Variants in ABLIM2 observed in about 807,000 individuals in gnomAD.
ABLIM2 encodes the protein actin binding LIM protein family member 2.
Under a neutral mutation model 97.7 loss-of-function variants are expected in ABLIM2, and 53 were observed. That is an observed-to-expected ratio of 0.54 (90% confidence interval 0.44 to 0.68). The LOEUF (loss-of-function observed/expected upper bound fraction) is 0.68, where lower values mean the gene tolerates loss of function less well. Ranked by LOEUF, ABLIM2 falls within the 30% of genes least tolerant of loss-of-function variation. The pLI is 0.00. For missense variants in ABLIM2, 835 were observed against 867.2 expected, an observed-to-expected ratio of 0.96 and a Z score of 0.47; for synonymous variants, 361 against 345.8, an observed-to-expected ratio of 1.04 and a Z score of -0.49.
In ABLIM2 at chr4:8,118,994, G is replaced by T. The variant is rs148700120; in HGVS notation, c.11-12357C>A. Among the ~76,000 whole-genome samples the T allele has an allele frequency of 1.9e-3, 283 of 152,250 alleles. 1 individual carries two copies. The highest frequency in any genetic ancestry group is 6.5e-3 in the African/African-American group (272 of 41,532). ...TGTTGTCCACCTGGGCCCACTGATG[G>T]GGTGACCTTGAGCAAGTCAGGGCAC... On this transcript the variant is annotated intron_variant, in intron 1 of 20. Transcript: ENST00000447017.
intron 4 of ABLIM2, among the ~76,000 whole-genome samples, chr4:8,084,293 C>T (rs1434577359): frequency 1.3e-5 from 2 of 152,122 alleles, no homozygotes; most frequent in Non-Finnish European, 2.9e-5. Context: ...GGGGCTCCTG[C>T]GAGGATCCTG....
Position 8,054,292 on chromosome 4 carries a change from T to A in ABLIM2, c.764-46A>T. 6.3e-7 allele frequency: 1 copy of A among 1,596,738 alleles called. No homozygotes were observed. On this transcript the variant is annotated intron_variant, in intron 7 of 20. Coordinates refer to ENST00000447017, the MANE Select transcript of ABLIM2 (RefSeq NM_001130083.2). This position sits in a 1 kb window ranked among gnomAD's most constrained non-coding sequence, Gnocchi z 4.9. ...GGGAAATGATTAGAGTTATTTCCCATGTTGCAGGGGCCTGTGTGGAAACGC... is the reference window on the plus strand; with the variant it reads ...GGGAAATGATTAGAGTTATTTCCCAAGTTGCAGGGGCCTGTGTGGAAACGC...
intron 9 of ABLIM2, 125 bp downstream of exon 9, chr4:8,045,039 G>A (rs1052608217): frequency 2.8e-5 from 23 of 831,428 alleles, no homozygotes; most frequent in East Asian, 1.5e-4. Flanking sequence ...AGCAATGGCC[G>A]TACCTCAGGC....
At chr4:7,980,275 T>C (rs1468545620) in intron 20 of ABLIM2, among the ~76,000 whole-genome samples, 1 of 152,104 alleles carries the variant, frequency 6.6e-6, no homozygotes, top group African/African-American at 2.4e-5. Flanking sequence ...CTGATAACAT[T>C]AACATTAAAA....
At position 7,966,718 on chromosome 4, in the gene ABLIM2, A is replaced by G. The variant is rs1723132567; in HGVS notation, c.*272T>C. The G allele has an allele frequency of 2.3e-6, 1 of 444,186 alleles. No individual in the cohort carries two copies. The highest frequency in any genetic ancestry group is 4.1e-6 in the Non-Finnish European group (1 of 245,676). 27.5% of individuals were successfully genotyped at this position (444,186 alleles called of 1,614,324 possible). A position where few individuals can be genotyped will look rare whatever the true frequency, so the allele number is the denominator to read the frequency against. ...TGGGCTGCAGCCACCTGTGTGCTCCATCTGATGCCCGACACAGCCACTCTA... is the reference window on the plus strand; with the variant it reads ...TGGGCTGCAGCCACCTGTGTGCTCCGTCTGATGCCCGACACAGCCACTCTA... On this transcript the variant is annotated 3_prime_UTR_variant, in exon 21 of 21. Transcript: ENST00000447017.
rs1034383756 is a variant in ABLIM2, at chr4:8,068,532, T to A, written c.676-7478A>T. ...TGTCCCAGCAGAGGAGAGCTAGTGG[T>A]CCCCCGTCTTTGGGCTTCTGGAGAA... On this transcript the variant is annotated intron_variant, in intron 6 of 20. Transcript: ENST00000447017. This position sits in a 1 kb window ranked among gnomAD's most constrained non-coding sequence, Gnocchi z 4.5. Among the ~76,000 whole-genome samples, 2 of 152,156 alleles carry A rather than the reference T, an allele frequency of 1.3e-5. No homozygotes were observed. The highest frequency in any genetic ancestry group is 2.9e-5 in the Non-Finnish European group (2 of 68,020).
chr4:7,991,937 C>T (rs1220595028), intron 17 of ABLIM2, among the ~76,000 whole-genome samples: 2 of 152,238 alleles, frequency 1.3e-5, no homozygotes, highest in African/African-American at 4.8e-5. Flanking sequence ...GGGTTACACA[C>T]AGCCACGGCT....
At chr4:7,975,343 T>G (rs1355116591) in intron 20 of ABLIM2, among the ~76,000 whole-genome samples, 1 of 152,256 alleles carries the variant, frequency 6.6e-6, no homozygotes, top group African/African-American at 2.4e-5. Flanking sequence ...AACCCCGCTC[T>G]GCATGTTGGC....
intron 14 of ABLIM2, among the ~76,000 whole-genome samples, chr4:8,012,271 A>G (rs1328597854): frequency 6.7e-6 from 1 of 149,562 alleles, no homozygotes; most frequent in Non-Finnish European, 1.5e-5. Context: ...CCATCCACCC[A>G]CCACCCATCC....
At position 8,107,280 on chromosome 4, in the gene ABLIM2, C is replaced by T. The variant is rs1033952481; in HGVS notation, c.11-643G>A. On this transcript the variant is annotated intron_variant, in intron 1 of 20. Coordinates refer to ENST00000447017, the MANE Select transcript of ABLIM2 (RefSeq NM_001130083.2). ...TCACAGGGCCTGACTGTGGGGCTCC[C>T]GGGGACCGGGCAGGGGGACACACTC... 4.6e-5 allele frequency among the ~76,000 whole-genome samples: 7 copies of T among 152,346 alleles called. No homozygotes were observed. The South Asian group carries it at 6.2e-4, about 14-fold the overall frequency.
chr4:8,015,613 GT>G lies in ABLIM2; in HGVS notation c.1423+4004del, dbSNP rs1432682472. Among the ~76,000 whole-genome samples the G allele has an allele frequency of 2.6e-5, 4 of 152,200 alleles. No individual in the cohort carries two copies. The highest frequency in any genetic ancestry group is 7.2e-5 in the African/African-American group (3 of 41,448). On this transcript the variant is annotated intron_variant, in intron 14 of 20. Transcript: ENST00000447017. The surrounding 1 kb of genome is among the most constrained non-coding windows in gnomAD (Gnocchi z 4.6). Reference sequence around the variant, plus strand: ...AGGGCACAAAGACACAGGGAACAACGTGTGTCCCGTGGGGTCACTTCCACTG... The same window carrying G: ...AGGGCACAAAGACACAGGGAACAACGGTGTCCCGTGGGGTCACTTCCACTG...
At chr4:7,976,242 G>A (rs1732944505) in intron 20 of ABLIM2, among the ~76,000 whole-genome samples, 1 of 152,112 alleles carries the variant, frequency 6.6e-6, no homozygotes, top group Admixed American at 6.5e-5. Flanking sequence ...CGACACCTGG[G>A]GTACTTTTCC....
At chr4:7,993,427 T>C (rs1259568751) in intron 16 of ABLIM2, among the ~76,000 whole-genome samples, 2 of 152,236 alleles carry the variant, frequency 1.3e-5, no homozygotes, top group Non-Finnish European at 2.9e-5. Context: ...CTCATGCCTG[T>C]AATCTTAGAG....
intron 3 of ABLIM2, among the ~76,000 whole-genome samples, chr4:8,091,594 ATAATTAT>A (rs1180179454): frequency 5.9e-5 from 2 of 34,000 alleles, no homozygotes; most frequent in East Asian, 8.1e-4. Flanking sequence ...AATTATATAT[ATAATTAT>A]ATATATTATG....
In ABLIM2 at chr4:7,999,493, G is replaced by T. The variant is rs926901022; in HGVS notation, c.1619-6566C>A. ...AATGATATCAAGCGATCTGTTCAAG[G>T]TCAAACAGTTACTAACTAGAGAGGC... On this transcript the variant is annotated intron_variant, in intron 16 of 20. Coordinates refer to ENST00000447017, the MANE Select transcript of ABLIM2 (RefSeq NM_001130083.2). This position sits in a 1 kb window ranked among gnomAD's most constrained non-coding sequence, Gnocchi z 4.4. Among the ~76,000 whole-genome samples the T allele has an allele frequency of 6.6e-6, 1 of 152,318 alleles. No homozygotes were observed. The highest frequency in any genetic ancestry group is 1.9e-4 in the East Asian group (1 of 5,186).
chr4:7,981,415 G>A (rs1738352806), intron 20 of ABLIM2, among the ~76,000 whole-genome samples: 1 of 152,162 alleles, frequency 6.6e-6, no homozygotes, highest in Non-Finnish European at 1.5e-5. Context: ...TACCTTACAT[G>A]TATTGATTGA....
chr4:7,979,835 T>C (rs1736594403), intron 20 of ABLIM2, among the ~76,000 whole-genome samples: 1 of 152,188 alleles, frequency 6.6e-6, no homozygotes, highest in African/African-American at 2.4e-5. Context: ...TCAAACTAGC[T>C]GATTAAAGGG....
rs774457482 is a variant in ABLIM2 at position 8,045,148 on chromosome 4, A to G, written c.900+16T>C. ...CACCCTCCCACCGCCGTCCCCATAAAAAGGCCCTGACTTACATAAATCACA... is the reference window on the plus strand; with the variant it reads ...CACCCTCCCACCGCCGTCCCCATAAGAAGGCCCTGACTTACATAAATCACA... On this transcript the variant is annotated intron_variant, in intron 9 of 20. Transcript: ENST00000447017. The G allele has an allele frequency of 1.2e-6, 2 of 1,612,398 alleles. No homozygotes were observed. Among genetic ancestry groups the G allele is most frequent in the Non-Finnish European group, 1.7e-6 (2 of 1,178,492 alleles).
rs569092321 is a variant in ABLIM2 at position 8,117,984 on chromosome 4, ACAGCCC to A, written c.11-11353_11-11348del. Among the ~76,000 whole-genome samples the A allele has an allele frequency of 2.6e-5, 4 of 152,284 alleles. No homozygotes were observed. The South Asian group carries it at 8.3e-4, about 32-fold the overall frequency. ...TTCATGCAGGACATCACAGCCAAAC[ACAGCCC>A]CAGGAAGAGGAGCCCTGGTGATTTT... is the stretch of plus-strand genomic sequence containing the variant. On this transcript the variant is annotated intron_variant, in intron 1 of 20. Coordinates refer to ENST00000447017, the MANE Select transcript of ABLIM2 (RefSeq NM_001130083.2).
Sources: allele counts gnomAD v4.1 joint callset (sites outside exome capture counted in the v4.1 genomes callset), GRCh38; gene constraint gnomAD v4.1.1; non-coding constraint Gnocchi (gnomAD v3.1); transcripts MANE v1.5; gene names NCBI Gene and HGNC (gene_info 2026-07-23, HGNC 2026-07-21).